TNFRSF10B: variants seen among roughly 807,000 people sequenced by gnomAD.
TNFRSF10B encodes tumor necrosis factor receptor superfamily member 10B.
A neutral mutation model predicts 41.4 loss-of-function variants in TNFRSF10B; 35 were observed. The ratio of observed to expected loss-of-function variants is 0.85; its 90% CI spans 0.65 to 1.12. TNFRSF10B has a LOEUF of 1.12. Ranked by LOEUF, TNFRSF10B falls within the 50% of genes most tolerant of loss-of-function variation. The probability of loss-of-function intolerance (pLI) is 0.00; values close to 1 mark genes in which losing one functional copy is unlikely to be tolerated. For synonymous variants in TNFRSF10B, 230 were observed against 215.5 expected (o/e 1.07, Z -0.59); for missense variants, 584 against 552.7 (o/e 1.06, Z -0.57).
intron 8 of TNFRSF10B, 113 bp from the exon 9 acceptor site, chr8:23,023,097 G>T (rs1811589555): frequency 1.5e-6 from 2 of 1,361,918 alleles, no homozygotes; most frequent in African/African-American, 1.4e-5. Context: ...CCGTGTGCGG[G>T]CAAACCTGCC....
At chr8:23,049,030 C>T (rs1268126364) in intron 1 of TNFRSF10B, among the ~76,000 whole-genome samples, 1 of 152,152 alleles carries the variant, frequency 6.6e-6, no homozygotes, top group East Asian at 1.9e-4. Flanking sequence ...CCACCACTAA[C>T]GTCTACTATA....
rs577754594 is a variant in TNFRSF10B at position 23,064,980 on chromosome 8, G to C, written c.144+3771C>G. Among the ~76,000 whole-genome samples, 8 of 152,342 alleles carry C rather than the reference G, an allele frequency of 5.3e-5. No homozygotes were observed. In the East Asian group the frequency reaches 1.5e-3, roughly 29 times the overall value. ...CCTTGGGACTGCACAGCCTCCCTCT[G>C]TCAGTCAAATATGGAGGGATGACAT... On this transcript the variant is annotated intron_variant, in intron 1 of 8. Coordinates refer to ENST00000276431, the MANE Select transcript of TNFRSF10B (RefSeq NM_003842.5).
intron 1 of TNFRSF10B, among the ~76,000 whole-genome samples, chr8:23,063,549 T>C (rs1027914645): frequency 3.9e-5 from 6 of 152,134 alleles, no homozygotes; most frequent in Non-Finnish European, 7.4e-5. Flanking sequence ...AAGTCTCAGA[T>C]TAGAAACACT....
chr8:23,020,449 A>C lies in TNFRSF10B; in HGVS notation c.*2222T>G. 2.2e-6 allele frequency: 1 copy of C among 454,122 alleles called. No homozygotes were observed. The highest frequency in any genetic ancestry group is 4.4e-6 in the Non-Finnish European group (1 of 226,790). 28.1% of individuals were successfully genotyped at this position (454,122 alleles called of 1,614,324 possible). A position where few individuals can be genotyped will look rare whatever the true frequency, so the allele number is the denominator to read the frequency against. ...GGTGGCTCACGCCTGTAATCCCAGC[A>C]CTTTCGGAGGCCAAGGTGGATCACC... On this transcript the variant is annotated 3_prime_UTR_variant, in exon 9 of 9. Coordinates refer to ENST00000276431, the MANE Select transcript of TNFRSF10B (RefSeq NM_003842.5).
chr8:23,022,677 C>T lies in TNFRSF10B; in HGVS notation c.1317G>A (p.Met439Ile). ...TTCCTGAAGAGAATCACACTTAGGA[C>T]ATGGCAGAGTCTGCATTACCTTCTA... Reference protein sequence around the residue: ...MYLEGNADSAMS With the variant: ...MYLEGNADSAIS The change falls in exon 9 of 9, where the codon ATG becomes ATA. Residue 439 changes from methionine to isoleucine, a missense_variant. Transcript: ENST00000276431. The T allele has an allele frequency of 6.2e-7, 1 of 1,614,032 alleles. No individual in the cohort carries two copies. The highest frequency in any genetic ancestry group is 8.5e-7 in the Non-Finnish European group (1 of 1,180,034).
chr8:23,061,931 T>C (rs2128821152), intron 1 of TNFRSF10B, among the ~76,000 whole-genome samples: 1 of 152,364 alleles, frequency 6.6e-6, no homozygotes, highest in Admixed American at 6.5e-5. Flanking sequence ...TGTTGAATTC[T>C]CTCTGATAGT....
intron 1 of TNFRSF10B, among the ~76,000 whole-genome samples, chr8:23,045,226 T>A (rs1479721468): frequency 1.3e-5 from 2 of 151,268 alleles, no homozygotes; most frequent in African/African-American, 4.9e-5. Context: ...GGAGACTCTG[T>A]CTCAAATAAA....
rs568710671 is a variant in TNFRSF10B, at chr8:23,021,891, C to T, written c.*780G>A. The T allele has an allele frequency of 2.2e-6, 1 of 454,074 alleles. No individual in the cohort carries two copies. The highest frequency in any genetic ancestry group is 6.9e-5 in the East Asian group (1 of 14,394). 28.1% of individuals were successfully genotyped at this position (454,074 alleles called of 1,614,324 possible). A position where few individuals can be genotyped will look rare whatever the true frequency, so the allele number is the denominator to read the frequency against. ...CTTTTATGTTTATCTAATCTATTCA[C>T]ATAACTATGTAAACAAGTACATTTA... On this transcript the variant is annotated 3_prime_UTR_variant, in exon 9 of 9. Coordinates refer to ENST00000276431, the MANE Select transcript of TNFRSF10B (RefSeq NM_003842.5).
chr8:23,031,136 C>A (rs1205660818), intron 2 of TNFRSF10B, among the ~76,000 whole-genome samples: 1 of 150,160 alleles, frequency 6.7e-6, no homozygotes, highest in East Asian at 2.0e-4. Context: ...AGTGCAGTGG[C>A]GTGATCTCGG....
At chr8:23,041,618 A>G (rs1169008395) in intron 2 of TNFRSF10B, among the ~76,000 whole-genome samples, 2 of 152,170 alleles carry the variant, frequency 1.3e-5, no homozygotes, top group South Asian at 4.1e-4. Flanking sequence ...AAAAAAAAAA[A>G]AAAAACCTAA....
intron 1 of TNFRSF10B, among the ~76,000 whole-genome samples, chr8:23,067,112 G>A (rs971813149): frequency 5.9e-5 from 9 of 151,866 alleles, no homozygotes; most frequent in African/African-American, 2.2e-4. Context: ...CCAAGTAGCT[G>A]GGATTGCAGG....
intron 1 of TNFRSF10B, among the ~76,000 whole-genome samples, chr8:23,045,371 CA>C (rs1373782478): frequency 6.6e-6 from 1 of 152,078 alleles, no homozygotes; most frequent in African/African-American, 2.4e-5. Flanking sequence ...TACAACCTAC[CA>C]ATACTGAATC....
chr8:23,046,658 A>G (rs973993390), intron 1 of TNFRSF10B, among the ~76,000 whole-genome samples: 22 of 151,868 alleles, frequency 1.4e-4, no homozygotes, highest in African/African-American at 5.3e-4. Context: ...GGCAATCATG[A>G]TCAAAAAGTA....
Position 23,020,516 on chromosome 8 carries a change from ACC to A in TNFRSF10B, c.*2153_*2154del, listed in dbSNP as rs1441794696. ...AGACCAGCCTGACCAACATGGTGAAACCCCGTCTCTACTAAAAATACAAAAAT... is the reference window on the plus strand; with the variant it reads ...AGACCAGCCTGACCAACATGGTGAAACCGTCTCTACTAAAAATACAAAAAT... On this transcript the variant is annotated 3_prime_UTR_variant, in exon 9 of 9. Transcript: ENST00000276431. The A allele has an allele frequency of 2.2e-6, 1 of 450,268 alleles. No individual in the cohort carries two copies. The highest frequency in any genetic ancestry group is 2.4e-5 in the Admixed American group (1 of 42,244). The allele number at this position is 450,268 out of a possible 1,614,324, so 27.9% of individuals were successfully genotyped here.
At chr8:23,063,513 T>C (rs1812893377) in intron 1 of TNFRSF10B, among the ~76,000 whole-genome samples, 1 of 152,170 alleles carries the variant, frequency 6.6e-6, no homozygotes, top group Non-Finnish European at 1.5e-5. Flanking sequence ...CCATTTACTC[T>C]TTCTTATTTG....
intron 6 of TNFRSF10B, 126 bp downstream of exon 6, chr8:23,027,596 A>G (rs1105944): frequency 0.89 from 1,202,360 of 1,348,246 alleles, 537,304 homozygotes; most frequent in East Asian, 0.98. Context: ...AGCCCAGAGC[A>G]CCCAGGCCAC....
In TNFRSF10B at chr8:23,068,768, C is replaced by G; in HGVS notation, c.127G>C (p.Ala43Pro). ...GGACTCACCAACAGCAGGACCGCGG[C>G]GACAACGAGCACAAGGGTCTTGGGG... Reference protein sequence around the residue: ...RVPKTLVLVVAAVLLLVSAES... With the variant: ...RVPKTLVLVVPAVLLLVSAES... The change falls in exon 1 of 9, where the codon GCC becomes CCC. Residue 43 changes from alanine (A) to proline (P), a missense_variant. By Grantham distance (27) the Ala-to-Pro change is conservative. Coordinates refer to ENST00000276431, the MANE Select transcript of TNFRSF10B (RefSeq NM_003842.5). 1 of 1,595,048 alleles carries G rather than the reference C, an allele frequency of 6.3e-7. No individual in the cohort carries two copies. The highest frequency in any genetic ancestry group is 8.5e-7 in the Non-Finnish European group (1 of 1,170,964).
At chr8:23,062,396 T>G (rs1286253655) in intron 1 of TNFRSF10B, among the ~76,000 whole-genome samples, 1 of 152,066 alleles carries the variant, frequency 6.6e-6, no homozygotes, top group Non-Finnish European at 1.5e-5. Flanking sequence ...GCTTTTTATA[T>G]TTTTTGTAGA....
At chr8:23,058,371 C>G (rs527804493) in intron 1 of TNFRSF10B, among the ~76,000 whole-genome samples, 68 of 152,294 alleles carry the variant, frequency 4.5e-4, no homozygotes, top group African/African-American at 1.6e-3. Flanking sequence ...ATTACTATAG[C>G]CAAAATAGTT....
Sources: allele counts gnomAD v4.1 joint callset (sites outside exome capture counted in the v4.1 genomes callset), GRCh38; gene constraint gnomAD v4.1.1; transcripts MANE v1.5; gene names NCBI Gene and HGNC (gene_info 2026-07-23, HGNC 2026-07-21).